The following NSG1 variants were observed in gnomAD, a reference collection of about 807,000 sequenced individuals.
NSG1 encodes neuronal vesicle trafficking associated 1.
In NSG1, 9 loss-of-function variants were observed where a neutral mutation model predicts 19.3. The ratio of observed to expected loss-of-function variants is 0.47; its 90% CI spans 0.28 to 0.81. The LOEUF (loss-of-function observed/expected upper bound fraction) is 0.81, where lower values mean the gene tolerates loss of function less well. Ranked by LOEUF, NSG1 falls within the 40% of genes least tolerant of loss-of-function variation. NSG1 has a pLI of 0.11. For synonymous variants in NSG1, 104 were observed against 107.0 expected (o/e 0.97, Z 0.17); for missense variants, 236 against 242.4 (o/e 0.97, Z 0.18).
At position 4,417,263 on chromosome 4, in the gene NSG1, A is replaced by G; in HGVS notation, c.386A>G (p.Glu129Gly). ...KNTQCIPEGL[E>G]SYYAEQDSSA... ...ACCCAGTGCATCCCAGAAGGCTTGG[A>G]GAGCTACTACGCGGAGCAAGACTCC... Residue 129 changes from glutamate to glycine, a missense_variant, in exon 5 of 5, where the codon GAG becomes GGG. Transcript: ENST00000621129. 1 of 1,614,132 alleles carries G rather than the reference A, an allele frequency of 6.2e-7. No homozygotes were observed. The highest frequency in any genetic ancestry group is 8.5e-7 in the Non-Finnish European group (1 of 1,180,024).
At chr4:4,386,802 G>C (rs527459860), upstream of NSG1, 1 of 152,500 alleles carries the variant, frequency 6.6e-6, no homozygotes, top group Non-Finnish European at 1.5e-5. Context: ...CTCCCGCTCC[G>C]GGCGCCCTCC....
At chr4:4,414,755 T>C (rs1724423191) in intron 4 of NSG1, among the ~76,000 whole-genome samples, 1 of 152,118 alleles carries the variant, frequency 6.6e-6, no homozygotes, top group Admixed American at 6.5e-5. Flanking sequence ...ACAGTCAGCA[T>C]GTACTAAGTA....
chr4:4,400,488 G>T (rs1723493796), intron 3 of NSG1, among the ~76,000 whole-genome samples: 1 of 152,184 alleles, frequency 6.6e-6, no homozygotes, highest in South Asian at 2.1e-4. Context: ...CAAACAAAAA[G>T]ACCTTTGGGT....
At chr4:4,414,197 G>GC (rs1022718090) in intron 4 of NSG1, among the ~76,000 whole-genome samples, 21 of 151,912 alleles carry the variant, frequency 1.4e-4, no homozygotes, top group African/African-American at 5.1e-4. Context: ...CCCAAGTCCC[G>GC]CTGGATACCT....
chr4:4,397,572 C>G (rs1197407580), intron 3 of NSG1, among the ~76,000 whole-genome samples: 2 of 152,246 alleles, frequency 1.3e-5, no homozygotes, highest in Non-Finnish European at 2.9e-5. Flanking sequence ...TCACGCTTCC[C>G]TGTCCAGACG....
At chr4:4,407,760 G>A (rs573554420) in intron 3 of NSG1, among the ~76,000 whole-genome samples, 2 of 152,268 alleles carry the variant, frequency 1.3e-5, no homozygotes, top group Admixed American at 6.5e-5. Flanking sequence ...ACGTGGTGGA[G>A]GTGTCGTCCC....
chr4:4,415,630 C>T (rs1032615434), intron 4 of NSG1: 1 of 153,746 alleles, frequency 6.5e-6, no homozygotes, highest in Non-Finnish European at 1.4e-5. Context: ...TGGGAGGCAT[C>T]TGGGGACTCC....
chr4:4,417,049 A>C (rs1724584489), intron 4 of NSG1, among the ~76,000 whole-genome samples, 186 bp from the exon 5 acceptor site: 1 of 152,168 alleles, frequency 6.6e-6, no homozygotes, highest in Admixed American at 6.5e-5. Flanking sequence ...TATTAAGAAT[A>C]ATCAAGGCCA....
At chr4:4,403,841 G>A (rs921659758) in intron 3 of NSG1, among the ~76,000 whole-genome samples, 2 of 152,220 alleles carry the variant, frequency 1.3e-5, no homozygotes, top group African/African-American at 4.8e-5. Context: ...CGTCTCCAGA[G>A]CTCCTCCTAA....
intron 4 of NSG1, among the ~76,000 whole-genome samples, chr4:4,410,464 G>A (rs896361895): frequency 7.2e-5 from 11 of 152,166 alleles, no homozygotes; most frequent in South Asian, 2.1e-4. Flanking sequence ...ACACCCACGC[G>A]GCCCAGCCTG....
At chr4:4,393,224 A>G (rs1319230839) in intron 3 of NSG1, among the ~76,000 whole-genome samples, 1 of 152,204 alleles carries the variant, frequency 6.6e-6, no homozygotes, top group Non-Finnish European at 1.5e-5. Flanking sequence ...AGGTCCCCAC[A>G]GAGCAGGGCG....
intron 3 of NSG1, 65 bp downstream of exon 3, chr4:4,391,656 A>G (rs2108724830): frequency 9.1e-7 from 1 of 1,099,266 alleles, no homozygotes; most frequent in Non-Finnish European, 1.3e-6. Context: ...TGAGCTGCAT[A>G]GATGCCCTGC....
At chr4:4,402,368 G>GTTTTTTTTTTTTTTTTTTTT (rs1560143233) in intron 3 of NSG1, among the ~76,000 whole-genome samples, 2 of 99,604 alleles carry the variant, frequency 2.0e-5, no homozygotes, top group African/African-American at 8.3e-5. Context: ...ACCACGCCTG[G>GTTTTTTTTTTTTTTTTTTTT]TTATTTTTTT....
intron 4 of NSG1, among the ~76,000 whole-genome samples, chr4:4,413,471 C>G (rs1724335914): frequency 6.6e-6 from 1 of 150,742 alleles, no homozygotes; most frequent in East Asian, 2.0e-4. Context: ...TGAGAGGACA[C>G]CAGGGCTTTA....
At chr4:4,405,731 G>T (rs181825460) in intron 3 of NSG1, among the ~76,000 whole-genome samples, 54 of 152,288 alleles carry the variant, frequency 3.5e-4, no homozygotes, top group African/African-American at 1.2e-3. Flanking sequence ...ACCACGGGCC[G>T]CCCGCTGACT....
intron 3 of NSG1, among the ~76,000 whole-genome samples, chr4:4,406,060 C>G (rs1723835719): frequency 6.6e-6 from 1 of 152,186 alleles, no homozygotes; most frequent in African/African-American, 2.4e-5. Context: ...CGGAGTCTCA[C>G]TCTGTTGCCC....
intron 4 of NSG1, among the ~76,000 whole-genome samples, chr4:4,413,619 G>T (rs902247119): frequency 1.4e-3 from 205 of 151,680 alleles, no homozygotes; most frequent in African/African-American, 4.7e-3. Flanking sequence ...GGGGTGTGCT[G>T]GTGGGGGGCT....
intron 4 of NSG1, 149 bp downstream of exon 4, chr4:4,409,832 T>C (rs7655690): frequency 0.26 from 167,997 of 652,542 alleles, 29,236 homozygotes; most frequent in African/African-American, 0.72. Flanking sequence ...AGTGTCCCTG[T>C]GGAAGGCCCA....
At chr4:4,414,775 A>T (rs576915269) in intron 4 of NSG1, among the ~76,000 whole-genome samples, 1 of 151,994 alleles carries the variant, frequency 6.6e-6, no homozygotes, top group African/African-American at 2.4e-5. Flanking sequence ...ACCTCCTACT[A>T]TGTGCACACT....
Sources: allele counts gnomAD v4.1 joint callset (sites outside exome capture counted in the v4.1 genomes callset), GRCh38; gene constraint gnomAD v4.1.1; transcripts MANE v1.5; gene names NCBI Gene and HGNC (gene_info 2026-07-23, HGNC 2026-07-21).